TMEM44: variants seen among roughly 807,000 people sequenced by gnomAD.
TMEM44 encodes transmembrane protein 44.
In TMEM44, 43 loss-of-function variants were observed where a neutral mutation model predicts 47.8. That is an observed-to-expected ratio of 0.90 (90% confidence interval 0.70 to 1.16). The LOEUF is 1.16. Among genes scored for constraint, TMEM44 ranks in the 50% most tolerant of loss-of-function variants. The pLI, the probability that TMEM44 is intolerant of heterozygous loss-of-function variation, is 0.00. For synonymous variants in TMEM44, 277 were observed against 238.8 expected, an observed-to-expected ratio of 1.16 and a Z score of -1.48; for missense variants, 568 against 555.2, an observed-to-expected ratio of 1.02 and a Z score of -0.23.
At chr3:194,588,780 T>A (rs1257313189) in intron 9 of TMEM44, 141 bp from the exon 10 acceptor site, 3 of 759,796 alleles carry the variant, frequency 3.9e-6, no homozygotes, top group Non-Finnish European at 6.4e-6. Context: ...AAGGACAAGT[T>A]ACCCAGGCCT....
rs1001912572 is a variant in TMEM44 at position 194,588,164 on chromosome 3, G to A, written c.*365C>T. 4.7e-6 allele frequency: 1 copy of A among 211,468 alleles called. No homozygotes were observed. The highest frequency in any genetic ancestry group is 2.3e-5 in the African/African-American group (1 of 42,762). 13.1% of individuals were successfully genotyped at this position (211,468 alleles called of 1,614,324 possible). On this transcript the variant is annotated 3_prime_UTR_variant, in exon 10 of 10. Transcript: ENST00000347147. ...ATCTAACCAGACACATTTGCTATCT[G>A]TTAGGTGAGCTCATTCCTGGAACCT...
At chr3:194,631,120 T>C (rs886520037) in intron 1 of TMEM44, among the ~76,000 whole-genome samples, 3 of 148,842 alleles carry the variant, frequency 2.0e-5, no homozygotes, top group African/African-American at 7.5e-5. Context: ...GCGTCACCGA[T>C]AGGGCCTCTG....
intron 1 of TMEM44, among the ~76,000 whole-genome samples, chr3:194,629,216 A>G (rs920783215): frequency 2.6e-5 from 4 of 152,172 alleles, no homozygotes; most frequent in Non-Finnish European, 5.9e-5. Context: ...AGCACAGTTA[A>G]TTGCCTGAAT....
intron 3 of TMEM44, 26 bp from the exon 4 acceptor site, chr3:194,623,721 T>C (rs1482964402): frequency 1.2e-6 from 2 of 1,613,422 alleles, no homozygotes; most frequent in Admixed American, 1.7e-5. Flanking sequence ...AAATCCCACA[T>C]GGCTCCTGGA....
intron 9 of TMEM44, among the ~76,000 whole-genome samples, chr3:194,595,626 ATTTTT>A (rs1183156467): frequency 6.9e-6 from 1 of 145,476 alleles, no homozygotes. Flanking sequence ...CTCATTCTCT[ATTTTT>A]TTTTTTTTTT....
intron 4 of TMEM44, 78 bp downstream of exon 4, chr3:194,623,449 TAG>T: frequency 1.3e-6 from 2 of 1,507,238 alleles, no homozygotes; most frequent in Non-Finnish European, 1.8e-6. Context: ...CCCACTCCCC[TAG>T]CCCCGGCCTC....
At chr3:194,630,135 A>G (rs1457531418) in intron 1 of TMEM44, among the ~76,000 whole-genome samples, 10 of 97,890 alleles carry the variant, frequency 1.0e-4, no homozygotes, top group East Asian at 9.9e-4. Flanking sequence ...CCCCTGAAAT[A>G]ATACGCTGTC....
chr3:194,596,444 T>G (rs1479578162), intron 9 of TMEM44, among the ~76,000 whole-genome samples: 1 of 152,050 alleles, frequency 6.6e-6, no homozygotes. Context: ...CATTCACACA[T>G]TTTGCTGGTG....
chr3:194,609,977 C>G (rs2109181708), intron 8 of TMEM44, among the ~76,000 whole-genome samples: 1 of 152,196 alleles, frequency 6.6e-6, no homozygotes, highest in South Asian at 2.1e-4. Context: ...ACCTGTAGTC[C>G]CAGCACTTTG....
chr3:194,592,521 A>G (rs890131740), intron 9 of TMEM44, among the ~76,000 whole-genome samples: 9 of 152,088 alleles, frequency 5.9e-5, no homozygotes, highest in Non-Finnish European at 1.0e-4. Context: ...TGGAGTCCCT[A>G]TTACTTGGGC....
At chr3:194,615,377 G>T (rs1223935636) in intron 7 of TMEM44, among the ~76,000 whole-genome samples, 192 bp downstream of exon 7, 1 of 152,168 alleles carries the variant, frequency 6.6e-6, no homozygotes, top group Non-Finnish European at 1.5e-5. Context: ...AAACAGGAAG[G>T]GCCCGTTACA....
intron 1 of TMEM44, among the ~76,000 whole-genome samples, chr3:194,631,975 G>A (rs1356566235): frequency 1.3e-5 from 2 of 152,198 alleles, no homozygotes; most frequent in Non-Finnish European, 2.9e-5. Context: ...AGGATAATGC[G>A]TGTCCAGCGC....
chr3:194,628,645 A>G, intron 1 of TMEM44, 136 bp from the exon 2 acceptor site: 1 of 1,098,970 alleles, frequency 9.1e-7, no homozygotes, highest in Non-Finnish European at 1.2e-6. Flanking sequence ...GTGTTTTTGA[A>G]CTGAGTTTAC....
chr3:194,589,576 C>T (rs1712343921), intron 9 of TMEM44: 1 of 23,816 alleles, frequency 4.2e-5, no homozygotes, highest in Non-Finnish European at 7.6e-5. Flanking sequence ...CACTTAAAAC[C>T]CAATTCAGAG....
chr3:194,617,475 T>C (rs1287564863), intron 5 of TMEM44: 1 of 675,396 alleles, frequency 1.5e-6, no homozygotes, highest in Admixed American at 3.0e-5. Context: ...GGCTTCAACT[T>C]AACTCTGGGA....
chr3:194,621,621 A>G (rs1274272324), intron 5 of TMEM44, among the ~76,000 whole-genome samples: 1 of 152,192 alleles, frequency 6.6e-6, no homozygotes, highest in Non-Finnish European at 1.5e-5. Context: ...CACAGAATGC[A>G]GCTTCACTGA....
intron 1 of TMEM44, among the ~76,000 whole-genome samples, chr3:194,629,082 T>G (rs904954115): frequency 3.3e-5 from 5 of 151,510 alleles, no homozygotes; most frequent in Non-Finnish European, 7.4e-5. Flanking sequence ...GAGAATTGCT[T>G]GAACCCAGGA....
At chr3:194,620,284 C>T (rs550979278) in intron 5 of TMEM44, among the ~76,000 whole-genome samples, 3 of 131,658 alleles carry the variant, frequency 2.3e-5, no homozygotes, top group African/African-American at 6.2e-5. Flanking sequence ...AGTGAAACTC[C>T]GACTCAAAAA....
At chr3:194,615,484 C>T (rs2109191413) in intron 7 of TMEM44, 85 bp downstream of exon 7, 11 of 1,533,926 alleles carry the variant, frequency 7.2e-6, no homozygotes, top group Admixed American at 3.9e-5. Flanking sequence ...TTCACACGTC[C>T]GTCCGCAGTA....
Sources: gnomAD v4.1 joint callset for allele counts (sites outside exome capture counted in the v4.1 genomes callset) on GRCh38, gnomAD v4.1.1 for gene constraint, MANE v1.5 for transcripts, NCBI Gene and HGNC (gene_info 2026-07-23, HGNC 2026-07-21) for gene names.